The following PKN2 variants were observed in gnomAD, a reference collection of about 807,000 sequenced individuals.
PKN2 encodes serine/threonine-protein kinase N2.
In PKN2, 38 loss-of-function variants were observed where a neutral mutation model predicts 119.1. That is an observed-to-expected ratio of 0.32 (90% CI 0.25 to 0.42). The LOEUF is 0.42. Among genes scored for constraint, PKN2 ranks in the 10% least tolerant of loss-of-function variants. The pLI is 1.00. For missense variants in PKN2, 850 were observed against 1,165.1 expected (o/e 0.73, Z 3.94); for synonymous variants, 390 against 384.9 (o/e 1.01, Z -0.15).
chr1:88,741,179 T>A lies in PKN2; in HGVS notation c.240T>A (p.Ala80=). Residue 80 remains alanine (A), a synonymous_variant, in exon 2 of 22, where the codon GCT becomes GCA. Transcript: ENST00000370521. ...TCACAACAGATAAAAAAAGTTTGGC[T>A]TATGTAGACAACATTTTGAAAAAAT... The part of the protein sequence containing the change: ...RKVTTDKKSL[A]YVDNILKKSN... 1 of 1,608,804 alleles carries A rather than the reference T, an allele frequency of 6.2e-7. No individual in the cohort carries two copies.
chr1:88,806,155 T>C (rs773398090), intron 12 of PKN2, 138 bp downstream of exon 12: 1 of 793,250 alleles, frequency 1.3e-6, no homozygotes, highest in Non-Finnish European at 2.0e-6. Flanking sequence ...TGTTTTTTGT[T>C]TTTGTTTTTG....
rs1434633476 is a variant in PKN2, at chr1:88,722,912, CAA to C, written c.49-18074_49-18073del. Among the ~76,000 whole-genome samples the C allele has an allele frequency of 3.3e-5, 5 of 151,892 alleles. No individual in the cohort carries two copies. In the East Asian group the frequency reaches 9.6e-4, roughly 29 times the overall value. On this transcript the variant is annotated intron_variant, in intron 1 of 21. Coordinates refer to ENST00000370521, the MANE Select transcript of PKN2 (RefSeq NM_006256.4). ...CTGTCTTATCATCAGTCAGGGAAGA[CAA>C]ATAAATAAAGGTGTGATGAGGGATA...
At chr1:88,809,473 A>G (rs1671691896) in intron 15 of PKN2, among the ~76,000 whole-genome samples, 1 of 152,166 alleles carries the variant, frequency 6.6e-6, no homozygotes, top group African/African-American at 2.4e-5. Context: ...TACTACTTCT[A>G]TTAATCTTGA....
intron 1 of PKN2, among the ~76,000 whole-genome samples, chr1:88,725,835 T>C (rs1667877103): frequency 6.6e-6 from 1 of 152,220 alleles, no homozygotes; most frequent in Admixed American, 6.5e-5. Context: ...TACATTTTTT[T>C]CTAAAAGATA....
chr1:88,721,703 G>C (rs1667688577), intron 1 of PKN2, among the ~76,000 whole-genome samples: 1 of 152,176 alleles, frequency 6.6e-6, no homozygotes, highest in South Asian at 2.1e-4. Context: ...TGTGAATATA[G>C]TGTATTTTTC....
At chr1:88,783,174 A>G (rs1207127918) in intron 6 of PKN2, among the ~76,000 whole-genome samples, 1 of 152,110 alleles carries the variant, frequency 6.6e-6, no homozygotes, top group Non-Finnish European at 1.5e-5. Flanking sequence ...TGCCTCAGAT[A>G]TTTTCTTCAT....
At chr1:88,777,076 ACT>A (rs1670138191) in intron 6 of PKN2, among the ~76,000 whole-genome samples, 1 of 151,760 alleles carries the variant, frequency 6.6e-6, no homozygotes, top group African/African-American at 2.4e-5. Context: ...TTTCTCTTAG[ACT>A]CTGATTTTCT....
At chr1:88,707,489 T>C (rs1667048548) in intron 1 of PKN2, among the ~76,000 whole-genome samples, 1 of 152,128 alleles carries the variant, frequency 6.6e-6, no homozygotes, top group Admixed American at 6.5e-5. Flanking sequence ...ATTTTTCTCA[T>C]CACAAACAAT....
At chr1:88,733,345 CT>C (rs1668219206) in intron 1 of PKN2, among the ~76,000 whole-genome samples, 1 of 151,514 alleles carries the variant, frequency 6.6e-6, no homozygotes, top group Non-Finnish European at 1.5e-5. Context: ...TCATCAACAC[CT>C]GCTATCTTTT....
intron 1 of PKN2, among the ~76,000 whole-genome samples, chr1:88,719,846 T>C (rs951218088): frequency 2.0e-5 from 3 of 152,198 alleles, no homozygotes; most frequent in Non-Finnish European, 2.9e-5. Flanking sequence ...GTTATCTCTC[T>C]TGATAATTGC....
chr1:88,773,495 C>G (rs1375403379), intron 6 of PKN2, among the ~76,000 whole-genome samples: 1 of 152,154 alleles, frequency 6.6e-6, no homozygotes, highest in Non-Finnish European at 1.5e-5. Flanking sequence ...CAGGGTTTTA[C>G]CATGATGGCC....
intron 1 of PKN2, among the ~76,000 whole-genome samples, chr1:88,732,375 T>G (rs1668174446): frequency 6.6e-6 from 1 of 152,206 alleles, no homozygotes; most frequent in African/African-American, 2.4e-5. Flanking sequence ...TTAAAGTTCT[T>G]ATTTTTAACA....
intron 19 of PKN2, 30 bp downstream of exon 19, chr1:88,828,653 G>A (rs1672603816): frequency 6.4e-7 from 1 of 1,560,048 alleles, no homozygotes; most frequent in Non-Finnish European, 8.8e-7. Flanking sequence ...TAAGAGAACA[G>A]AGGAAGGATG....
At chr1:88,790,595 T>C (rs9427963) in intron 8 of PKN2, among the ~76,000 whole-genome samples, 96 of 152,336 alleles carry the variant, frequency 6.3e-4, no homozygotes, top group African/African-American at 2.3e-3. Context: ...CTAAAAACTT[T>C]TAAGATTTTA....
Position 88,813,135 on chromosome 1 carries a change from A to T in PKN2, c.2103-422A>T, listed in dbSNP as rs191236465. ...ATCAATTTTATATGATAAAAAATTG[A>T]ATACTATAGCTTGTGAATTATAGAT... On this transcript the variant is annotated intron_variant, in intron 15 of 21. Coordinates refer to ENST00000370521, the MANE Select transcript of PKN2 (RefSeq NM_006256.4). Among the ~76,000 whole-genome samples the T allele has an allele frequency of 3.3e-5, 5 of 152,298 alleles. No homozygotes were observed. In the East Asian group the frequency reaches 9.6e-4, roughly 29 times the overall value.
intron 1 of PKN2, among the ~76,000 whole-genome samples, chr1:88,729,991 C>T (rs1032543963): frequency 6.6e-6 from 1 of 152,092 alleles, no homozygotes; most frequent in Admixed American, 6.5e-5. Flanking sequence ...AGTGAAACCC[C>T]GTCTCTACTA....
At position 88,833,503 on chromosome 1, in the gene PKN2, C is replaced by T; in HGVS notation, c.*55C>T. Reference sequence around the variant, plus strand: ...TCACAAGAAGACCTCTTAAAAATAGCAACCCTTCATTTGCTCTCTGTGCCA... The same window carrying T: ...TCACAAGAAGACCTCTTAAAAATAGTAACCCTTCATTTGCTCTCTGTGCCA... On this transcript the variant is annotated 3_prime_UTR_variant, in exon 22 of 22. Coordinates refer to ENST00000370521, the MANE Select transcript of PKN2 (RefSeq NM_006256.4). The T allele has an allele frequency of 7.2e-7, 1 of 1,391,266 alleles. No homozygotes were observed. The highest frequency in any genetic ancestry group is 1.0e-6 in the Non-Finnish European group (1 of 984,452). The allele number at this position is 1,391,266 out of a possible 1,614,324, so 86.2% of individuals were successfully genotyped here.
In PKN2 at chr1:88,834,854, A is replaced by G. The variant is rs551484142; in HGVS notation, c.*1406A>G. 2 of 152,336 alleles carry G rather than the reference A, an allele frequency of 1.3e-5. No homozygotes were observed. Among genetic ancestry groups the G allele is most frequent in the East Asian group, 1.9e-4 (1 of 5,178 alleles). The allele number at this position is 152,336 out of a possible 1,614,324, so 9.4% of individuals were successfully genotyped here. ...ATTTTATATTTTTTTCTCCTAATCTATGACTTTATTGTTTTTTCTTAGTTT... is the reference window on the plus strand; with the variant it reads ...ATTTTATATTTTTTTCTCCTAATCTGTGACTTTATTGTTTTTTCTTAGTTT... On this transcript the variant is annotated 3_prime_UTR_variant, in exon 22 of 22. Transcript: ENST00000370521.
intron 8 of PKN2, among the ~76,000 whole-genome samples, chr1:88,799,188 G>T (rs1429291456): frequency 6.6e-6 from 1 of 152,124 alleles, no homozygotes; most frequent in Non-Finnish European, 1.5e-5. Flanking sequence ...AGTTGTTTTT[G>T]TCTTTCCTAT....
Sources: allele counts gnomAD v4.1 joint callset (sites outside exome capture counted in the v4.1 genomes callset), GRCh38; gene constraint gnomAD v4.1.1; transcripts MANE v1.5; gene names NCBI Gene and HGNC (gene_info 2026-07-23, HGNC 2026-07-21).